HSCB: variants seen among roughly 807,000 people sequenced by gnomAD.
The protein encoded by HSCB is HscB mitochondrial iron-sulfur cluster cochaperone, also known as iron-sulfur cluster co-chaperone protein HscB.
Under a neutral mutation model 31.3 loss-of-function variants are expected in HSCB, and 23 were observed. That is an observed-to-expected ratio of 0.74 (90% confidence interval 0.53 to 1.04). HSCB has a LOEUF of 1.04. Ranked by LOEUF, HSCB falls within the 50% of genes least tolerant of loss-of-function variation. The pLI is 0.00. For synonymous variants in HSCB, 110 were observed against 104.5 expected (o/e 1.05, Z -0.32); for missense variants, 297 against 288.1 (o/e 1.03, Z -0.22).
chr22:28,743,314 G>C (rs930702898), intron 1 of HSCB, among the ~76,000 whole-genome samples: 1 of 152,134 alleles, frequency 6.6e-6, no homozygotes, highest in Non-Finnish European at 1.5e-5. Flanking sequence ...TGAAGAATCT[G>C]ATCAGAGATC....
At chr22:28,745,793 G>C (rs761138694) in intron 3 of HSCB, 71 bp from the exon 4 acceptor site, 237 of 1,292,230 alleles carry the variant, frequency 1.8e-4, no homozygotes, top group Non-Finnish European at 1.9e-4. Flanking sequence ...ATTTCCTAAT[G>C]GATGAGTAGG....
chr22:28,751,782 G>C (rs1474971314), intron 5 of HSCB, among the ~76,000 whole-genome samples: 2 of 151,264 alleles, frequency 1.3e-5, no homozygotes, highest in Non-Finnish European at 2.9e-5. Context: ...TGCCTTTCTA[G>C]AGAAACAAAC....
Position 28,751,249 on chromosome 22 carries a change from A to C in HSCB, c.577A>C (p.Lys193Gln), listed in dbSNP as rs770136434. The C allele has an allele frequency of 6.3e-7, 1 of 1,597,422 alleles. No individual in the cohort carries two copies. The highest frequency in any genetic ancestry group is 1.3e-5 in the African/African-American group (1 of 74,654). The part of the protein sequence containing the change: ...EIESIVKAKQ[K>Q]EFTDNVSSAF... ...ATGGTTTTCTTTTTCAGCTAAACAG[A>C]AAGAATTTACTGACAATGTGAGCAG... The change falls in exon 5 of 6, where the codon AAA becomes CAA. Residue 193 changes from lysine to glutamine, a missense_variant. Coordinates refer to ENST00000216027, the MANE Select transcript of HSCB (RefSeq NM_172002.5).
chr22:28,750,945 CT>C (rs758451182), intron 4 of HSCB, among the ~76,000 whole-genome samples: 2,083 of 56,430 alleles, frequency 0.037, 101 homozygotes, highest in East Asian at 0.18. Flanking sequence ...ATATCTTTGT[CT>C]TTTTTTTTTT....
chr22:28,744,436 C>T (rs2054648581), intron 2 of HSCB, among the ~76,000 whole-genome samples, 179 bp from the exon 3 acceptor site: 1 of 152,176 alleles, frequency 6.6e-6, no homozygotes, highest in African/African-American at 2.4e-5. Flanking sequence ...CTTGTAGTCC[C>T]AGCTTCTTGG....
intron 5 of HSCB, among the ~76,000 whole-genome samples, chr22:28,756,176 A>C (rs1200103767): frequency 1.3e-5 from 2 of 149,856 alleles, no homozygotes; most frequent in African/African-American, 4.9e-5. Flanking sequence ...TGAACCCGGG[A>C]GGTGGAGGTT....
Position 28,745,902 on chromosome 22 carries a change from T to C in HSCB, c.462T>C (p.Asp154=). ...GAATAGAGATTCCTGAAAGGACAGA[T>C]TATGAAATGGACAGGCAATTCCTCA... ...LHGIEIPERT[D]YEMDRQFLIE... The change falls in exon 4 of 6, where the codon GAT becomes GAC. Residue 154 remains aspartate, a synonymous_variant. Transcript: ENST00000216027. 6.2e-7 allele frequency: 1 copy of C among 1,613,336 alleles called. No homozygotes were observed. Among genetic ancestry groups the C allele is most frequent in the Non-Finnish European group, 8.5e-7 (1 of 1,179,574 alleles).
chr22:28,746,133 C>T, intron 4 of HSCB, 125 bp downstream of exon 4: 1 of 895,594 alleles, frequency 1.1e-6, no homozygotes, highest in Non-Finnish European at 1.6e-6. Flanking sequence ...ATAATCCCAG[C>T]ACTTTGGGAG....
intron 5 of HSCB, 137 bp from the exon 6 acceptor site, chr22:28,756,941 G>A (rs754757664): frequency 3.9e-5 from 27 of 691,112 alleles, no homozygotes; most frequent in Non-Finnish European, 6.7e-5. Flanking sequence ...CTCCCTCTTC[G>A]TTGCTCAGTC....
chr22:28,742,999 G>A (rs1478829078), intron 1 of HSCB, among the ~76,000 whole-genome samples: 1 of 152,086 alleles, frequency 6.6e-6, no homozygotes, highest in Non-Finnish European at 1.5e-5. Flanking sequence ...AAATAAACCG[G>A]GAGAGACAGG....
rs1244104415 is a variant in HSCB at position 28,745,884 on chromosome 22, G to A, written c.444G>A (p.Glu148=). The A allele has an allele frequency of 1.9e-6, 3 of 1,611,864 alleles. No individual in the cohort carries two copies. In the Admixed American group the frequency reaches 5.0e-5, roughly 27 times the overall value. ...GLYLLKLHGI[E]IPERTDYEMD... ...AATAGCTAAAGCTCCATGGAATAGAGATTCCTGAAAGGACAGATTATGAAA... is the reference window on the plus strand; with the variant it reads ...AATAGCTAAAGCTCCATGGAATAGAAATTCCTGAAAGGACAGATTATGAAA... Residue 148 remains glutamate (E), a synonymous_variant, in exon 4 of 6, where the codon GAG becomes GAA. Coordinates refer to ENST00000216027, the MANE Select transcript of HSCB (RefSeq NM_172002.5).
Position 28,742,137 on chromosome 22 carries a change from G to GT in HSCB, c.46dup (p.Trp16LeufsTer53). On this transcript the variant is annotated frameshift_variant, in exon 1 of 6. Transcript: ENST00000216027. LOFTEE classifies it high-confidence loss of function. Reference sequence around the variant, plus strand: ...CCGGGGCTTTGCTCCGGGTGTGGGGGTTTTGGCCGACAGGGGTTCCCAGAA... The same window carrying GT: ...CCGGGGCTTTGCTCCGGGTGTGGGGGTTTTTGGCCGACAGGGGTTCCCAGAA... 1 of 1,612,454 alleles carries GT rather than the reference G, an allele frequency of 6.2e-7. No individual in the cohort carries two copies. The highest frequency in any genetic ancestry group is 8.5e-7 in the Non-Finnish European group (1 of 1,179,392).
intron 4 of HSCB, among the ~76,000 whole-genome samples, chr22:28,748,476 C>T (rs556158243): frequency 2.0e-4 from 30 of 151,950 alleles, no homozygotes; most frequent in Non-Finnish European, 4.3e-4. Context: ...CCTTCACTGT[C>T]ACTGGAATCT....
Position 28,742,085 on chromosome 22 carries a change from C to G in HSCB, c.-11C>G, listed in dbSNP as rs1380240365. The G allele has an allele frequency of 3.1e-6, 5 of 1,602,096 alleles. No homozygotes were observed. Among genetic ancestry groups the G allele is most frequent in the Non-Finnish European group, 3.4e-6 (4 of 1,175,232 alleles). On this transcript the variant is annotated 5_prime_UTR_variant, in exon 1 of 6. Coordinates refer to ENST00000216027, the MANE Select transcript of HSCB (RefSeq NM_172002.5). Reference sequence around the variant, plus strand: ...CCACGAGTGACCACGGCTAGATAGGCCGCCGGCCAGATGTGGCGGGGGAGA... The same window carrying G: ...CCACGAGTGACCACGGCTAGATAGGGCGCCGGCCAGATGTGGCGGGGGAGA...
At chr22:28,744,522 C>G in intron 2 of HSCB, 93 bp from the exon 3 acceptor site, 1 of 890,512 alleles carries the variant, frequency 1.1e-6, no homozygotes, top group South Asian at 1.4e-5. Context: ...ACTGCACACT[C>G]CAGCCTGGAT....
intron 5 of HSCB, among the ~76,000 whole-genome samples, chr22:28,751,703 G>A (rs1378905588): frequency 6.6e-6 from 1 of 150,540 alleles, no homozygotes; most frequent in African/African-American, 2.5e-5. Context: ...CTGAGATCGT[G>A]CCACTGCACG....
chr22:28,745,998 CATT>C lies in HSCB; in HGVS notation c.559_561del (p.Ile187del). On this transcript the variant is annotated inframe_deletion, in exon 4 of 6. Coordinates refer to ENST00000216027, the MANE Select transcript of HSCB (RefSeq NM_172002.5). Reference sequence around the variant, plus strand: ...AAGCTGCCATGAAAGAGATTGAATCCATTGTCAAAGGTGAAAGATAAAATAGCA... The same window carrying C: ...AAGCTGCCATGAAAGAGATTGAATCCGTCAAAGGTGAAAGATAAAATAGCA... The C allele has an allele frequency of 6.2e-7, 1 of 1,610,564 alleles. No homozygotes were observed. The highest frequency in any genetic ancestry group is 1.1e-5 in the South Asian group (1 of 90,180).
intron 1 of HSCB, 67 bp downstream of exon 1, chr22:28,742,398 G>T: frequency 1.9e-6 from 3 of 1,578,808 alleles, no homozygotes; most frequent in Non-Finnish European, 2.6e-6. Flanking sequence ...CTGCGAGAGG[G>T]GAGGACGGAT....
chr22:28,743,334 C>G (rs564031441), intron 1 of HSCB, among the ~76,000 whole-genome samples: 8 of 152,010 alleles, frequency 5.3e-5, no homozygotes, highest in African/African-American at 1.7e-4. Context: ...CTAGGATGAT[C>G]AAAAATATGA....
Sources: allele counts gnomAD v4.1 joint callset (sites outside exome capture counted in the v4.1 genomes callset), GRCh38; gene constraint gnomAD v4.1.1; transcripts MANE v1.5; gene names NCBI Gene and HGNC (gene_info 2026-07-23, HGNC 2026-07-21).